Variants in LEKR1 observed in about 807,000 individuals in gnomAD.
The protein encoded by LEKR1 is leucine, glutamate and lysine rich 1, also known as protein LEKR1.
A neutral mutation model predicts 72.4 loss-of-function variants in LEKR1; 59 were observed. The ratio of observed to expected loss-of-function variants is 0.82; its 90% CI spans 0.66 to 1.01. The LOEUF (loss-of-function observed/expected upper bound fraction) is 1.01. LEKR1 is among the 50% of genes least tolerant of loss of function. LEKR1 has a pLI of 0.00. For missense variants in LEKR1, 728 were observed against 759.2 expected (o/e 0.96, Z 0.48); for synonymous variants, 257 against 263.2 (o/e 0.98, Z 0.23).
At chr3:156,868,351 A>G (rs541654413) in intron 3 of LEKR1, among the ~76,000 whole-genome samples, 4 of 151,916 alleles carry the variant, frequency 2.6e-5, no homozygotes, top group Admixed American at 2.0e-4. Context: ...ACGGATGTGA[A>G]TTTTTCTGTA....
At chr3:157,011,288 A>T in intron 9 of LEKR1, 125 bp from the exon 10 acceptor site, 1 of 654,540 alleles carries the variant, frequency 1.5e-6, no homozygotes, top group Non-Finnish European at 2.7e-6. Context: ...TAGTAGCAGC[A>T]TATATACTGC....
At chr3:157,015,391 GC>G (rs1733228821) in intron 10 of LEKR1, among the ~76,000 whole-genome samples, 1 of 152,142 alleles carries the variant, frequency 6.6e-6, no homozygotes, top group South Asian at 2.1e-4. Context: ...CTTGCACATG[GC>G]CAGTAATTTG....
intron 7 of LEKR1, chr3:156,980,140 C>T (rs1169150961): frequency 2.0e-5 from 3 of 151,918 alleles, no homozygotes; most frequent in Non-Finnish European, 2.9e-5. Context: ...TAAGTAGATT[C>T]TTTTACTTTA....
intron 12 of LEKR1, among the ~76,000 whole-genome samples, chr3:157,035,308 G>C (rs770769557): frequency 3.3e-5 from 5 of 152,114 alleles, no homozygotes; most frequent in Non-Finnish European, 7.4e-5. Flanking sequence ...TGAAAACAAG[G>C]CTGTTTGAAA....
intron 12 of LEKR1, among the ~76,000 whole-genome samples, chr3:157,030,819 T>A (rs1209466812): frequency 1.3e-5 from 2 of 152,096 alleles, no homozygotes; most frequent in East Asian, 1.9e-4. Context: ...TTTGGCAGAA[T>A]GTATTTGGCC....
intron 12 of LEKR1, among the ~76,000 whole-genome samples, chr3:157,033,707 C>T (rs1011578855): frequency 2.0e-5 from 3 of 152,140 alleles, no homozygotes; most frequent in East Asian, 3.9e-4. Context: ...TATGAGGTAG[C>T]TACATTAAAC....
intron 11 of LEKR1, 73 bp downstream of exon 11, chr3:157,024,997 A>G (rs561290233): frequency 1.6e-5 from 16 of 987,520 alleles, no homozygotes; most frequent in Non-Finnish European, 1.7e-5. Flanking sequence ...GCCTTAGAAC[A>G]CTACAGTATT....
chr3:157,045,754 A>C lies in LEKR1; in HGVS notation c.*4A>C. ...GAGAAGGCGGAGTCAGCAATGATCC[A>C]AAATGAGGAGCAGGAAGCTCCCTAC... is the stretch of plus-strand genomic sequence containing the variant. On this transcript the variant is annotated 3_prime_UTR_variant, in exon 13 of 13. Coordinates refer to ENST00000356539, the MANE Select transcript of LEKR1 (RefSeq NM_001004316.3). The C allele has an allele frequency of 1.2e-6, 2 of 1,605,254 alleles. No individual in the cohort carries two copies. The highest frequency in any genetic ancestry group is 1.7e-6 in the Non-Finnish European group (2 of 1,179,396).
chr3:156,962,410 G>A (rs186278208), intron 6 of LEKR1, among the ~76,000 whole-genome samples: 2 of 152,150 alleles, frequency 1.3e-5, no homozygotes, highest in African/African-American at 4.8e-5. Flanking sequence ...AACCACTGTG[G>A]GCTGCTTCTG....
chr3:156,925,596 T>A (rs6441103), intron 4 of LEKR1, among the ~76,000 whole-genome samples: 4,815 of 151,822 alleles, frequency 0.032, 116 homozygotes, highest in Non-Finnish European at 0.047. Flanking sequence ...AAATTTATTG[T>A]GAACCAGATG....
chr3:156,894,911 T>C (rs987387720), intron 3 of LEKR1, among the ~76,000 whole-genome samples: 3 of 152,112 alleles, frequency 2.0e-5, no homozygotes, highest in African/African-American at 7.2e-5. Flanking sequence ...ATTAAAGACT[T>C]ACATGTAAAA....
rs1722124901 is a variant in LEKR1 at position 156,902,433 on chromosome 3, C to A, written c.264-18142C>A. On this transcript the variant is annotated intron_variant, in intron 3 of 12. Coordinates refer to ENST00000356539, the MANE Select transcript of LEKR1 (RefSeq NM_001004316.3). ...ATATTTAAAAGCTGAGTTTCACAAT[C>A]AAAATATGTTATGTTTTCTGTAATA... Among the ~76,000 whole-genome samples the A allele has an allele frequency of 3.3e-5, 5 of 151,908 alleles. 1 individual carries two copies. In the South Asian group the frequency reaches 1.0e-3, roughly 32 times the overall value.
In LEKR1 at chr3:156,924,515, T is replaced by C. The variant is rs1037178895; in HGVS notation, c.384-2914T>C. 29 of 685,080 alleles carry C rather than the reference T, an allele frequency of 4.2e-5. No homozygotes were observed. The East Asian group carries it at 7.3e-4, about 17-fold the overall frequency. 42.4% of individuals were successfully genotyped at this position (685,080 alleles called of 1,614,324 possible). A position where few individuals can be genotyped will look rare whatever the true frequency, so the allele number is the denominator to read the frequency against. On this transcript the variant is annotated intron_variant, in intron 4 of 12. Coordinates refer to ENST00000356539, the MANE Select transcript of LEKR1 (RefSeq NM_001004316.3). ...TATAGATTGTGCTTTTGCTGATGTC[T>C]GTAAGAACTCTGTCTAAGCCGGTCA...
At chr3:156,836,529 C>T (rs55928997) in intron 2 of LEKR1, among the ~76,000 whole-genome samples, 10,028 of 152,278 alleles carry the variant, frequency 0.066, 396 homozygotes, top group African/African-American at 0.1. Flanking sequence ...CATAGAGCTT[C>T]GTTAAAGAAA....
chr3:156,900,163 C>T (rs1181317061), intron 3 of LEKR1, among the ~76,000 whole-genome samples: 2 of 152,118 alleles, frequency 1.3e-5, no homozygotes, highest in Admixed American at 6.6e-5. Context: ...GCAGCTGCTC[C>T]AGGAGACTGG....
At position 157,028,159 on chromosome 3, in the gene LEKR1, T is replaced by G. The variant is rs370078863; in HGVS notation, c.1425T>G (p.Leu475=). The G allele has an allele frequency of 1.9e-6, 3 of 1,610,700 alleles. No individual in the cohort carries two copies. The African/African-American group carries it at 4.0e-5, about 22-fold the overall frequency. Residue 475 remains leucine (L), a synonymous_variant, in exon 12 of 13, where the codon CTT becomes CTG. Transcript: ENST00000356539. The stretch of plus-strand genomic sequence containing the variant: ...ATCTAAGGCAGGAAGTGACCACTCT[T>G]AAAGAAAAACTTCACAAATCCCATA... ...TRDLRQEVTT[L]KEKLHKSHIR...
chr3:156,910,629 T>C (rs965587312), intron 3 of LEKR1, among the ~76,000 whole-genome samples: 2 of 152,192 alleles, frequency 1.3e-5, no homozygotes, highest in African/African-American at 4.8e-5. Context: ...AAAATGATAA[T>C]GGACTCCAGC....
intron 3 of LEKR1, among the ~76,000 whole-genome samples, chr3:156,878,748 G>A (rs1718917017): frequency 6.6e-6 from 1 of 152,018 alleles, no homozygotes; most frequent in Non-Finnish European, 1.5e-5. Flanking sequence ...ATCTTGAATT[G>A]TAGCTCTCAT....
At chr3:156,972,157 A>G (rs1227217254) in intron 6 of LEKR1, among the ~76,000 whole-genome samples, 1 of 152,230 alleles carries the variant, frequency 6.6e-6, no homozygotes, top group Non-Finnish European at 1.5e-5. Flanking sequence ...AATACTATGC[A>G]GCCATAAAAA....
Sources: allele counts gnomAD v4.1 joint callset (sites outside exome capture counted in the v4.1 genomes callset), GRCh38; gene constraint gnomAD v4.1.1; transcripts MANE v1.5; gene names NCBI Gene and HGNC (gene_info 2026-07-23, HGNC 2026-07-21).